LAMP1: variants seen among roughly 807,000 people sequenced by gnomAD.
LAMP1 encodes lysosome associated membrane protein 1, also known as lysosome-associated membrane glycoprotein 1.
Under a neutral mutation model 37.5 loss-of-function variants are expected in LAMP1, and 7 were observed. That is an observed-to-expected ratio of 0.19 (90% CI 0.11 to 0.35). LAMP1 has a LOEUF of 0.35. Ranked by LOEUF, LAMP1 falls within the 10% of genes least tolerant of loss-of-function variation. The pLI is 1.00. For missense variants in LAMP1, 537 were observed against 552.8 expected (o/e 0.97, Z 0.29); for synonymous variants, 236 against 229.1 (o/e 1.03, Z -0.27).
At chr13:113,319,782 C>T (rs2042687404) in intron 5 of LAMP1, 126 bp downstream of exon 5, 4 of 874,672 alleles carry the variant, frequency 4.6e-6, no homozygotes, top group South Asian at 1.7e-5. Flanking sequence ...GCTTAGCTTG[C>T]AGGACGTGAC....
intron 3 of LAMP1, 65 bp from the exon 4 acceptor site, chr13:113,310,643 TA>T (rs951842791): frequency 1.6e-6 from 2 of 1,241,852 alleles, no homozygotes; most frequent in Non-Finnish European, 2.2e-6. Flanking sequence ...AGGGCTAAAA[TA>T]AAAAACACAT....
chr13:113,304,352 C>G (rs1289883961), intron 1 of LAMP1, among the ~76,000 whole-genome samples: 2 of 152,216 alleles, frequency 1.3e-5, no homozygotes, highest in African/African-American at 2.4e-5. Context: ...AGTGTTAAGT[C>G]TCTGGCGTCT....
At position 113,322,521 on chromosome 13, in the gene LAMP1, C is replaced by T; in HGVS notation, c.*100C>T. On this transcript the variant is annotated 3_prime_UTR_variant, in exon 9 of 9. Transcript: ENST00000332556. ...GGCACACTTTCTGGCAAACGTTTCT[C>T]AAATCTGCTTCATCCAATGTGAAGT... The T allele has an allele frequency of 2.7e-6, 3 of 1,130,634 alleles. No homozygotes were observed. Among genetic ancestry groups the T allele is most frequent in the East Asian group, 2.5e-5 (1 of 39,944 alleles). The allele number at this position is 1,130,634 out of a possible 1,614,324, so 70.0% of individuals were successfully genotyped here. A position where few individuals can be genotyped will look rare whatever the true frequency, so the allele number is the denominator to read the frequency against.
chr13:113,313,406 A>G (rs1033508367), intron 4 of LAMP1, among the ~76,000 whole-genome samples: 4 of 152,234 alleles, frequency 2.6e-5, no homozygotes, highest in Non-Finnish European at 5.9e-5. Context: ...CTCTGTGTCC[A>G]GATCCTGGAC....
At position 113,320,662 on chromosome 13, in the gene LAMP1, G is replaced by T. The variant is rs2042693175; in HGVS notation, c.876+192G>T. On this transcript the variant is annotated intron_variant, in intron 6 of 8. Coordinates refer to ENST00000332556, the MANE Select transcript of LAMP1 (RefSeq NM_005561.4). The surrounding 1 kb of genome is among the most constrained non-coding windows in gnomAD (Gnocchi z 4.4). ...TTCCATTCCATTCATAGATGCAGCA[G>T]ATGATGTGGGCGGGGCTGCTGTGCC... is the stretch of plus-strand genomic sequence containing the variant. 2 of 613,212 alleles carry T rather than the reference G, an allele frequency of 3.3e-6. No individual in the cohort carries two copies. Among genetic ancestry groups the T allele is most frequent in the East Asian group, 2.9e-5 (1 of 34,674 alleles). 38.0% of individuals were successfully genotyped at this position (613,212 alleles called of 1,614,324 possible). A position where few individuals can be genotyped will look rare whatever the true frequency, so the allele number is the denominator to read the frequency against.
chr13:113,319,024 G>A (rs1039141548), intron 4 of LAMP1, among the ~76,000 whole-genome samples: 2 of 152,260 alleles, frequency 1.3e-5, no homozygotes, highest in African/African-American at 2.4e-5. Flanking sequence ...TCAGGGAGCA[G>A]TGTCTGAGTC....
chr13:113,303,522 C>CTT (rs398056906), intron 1 of LAMP1, among the ~76,000 whole-genome samples: 3 of 142,478 alleles, frequency 2.1e-5, no homozygotes, highest in East Asian at 2.0e-4. Flanking sequence ...GGTTTTTTGT[C>CTT]TTTTTTTTTT....
Position 113,297,804 on chromosome 13 carries a change from C to T in LAMP1, c.61+309C>T, listed in dbSNP as rs1355520431. ...GAAAGGGAACTTCCGATGGCTTGCT[C>T]GGCGGTCTGGTGCTTTCAGGTCGTT... On this transcript the variant is annotated intron_variant, in intron 1 of 8. Coordinates refer to ENST00000332556, the MANE Select transcript of LAMP1 (RefSeq NM_005561.4). The surrounding 1 kb of genome is among the most constrained non-coding windows in gnomAD (Gnocchi z 4.4). 2.0e-5 allele frequency among the ~76,000 whole-genome samples: 3 copies of T among 152,190 alleles called. No homozygotes were observed. The highest frequency in any genetic ancestry group is 4.4e-5 in the Non-Finnish European group (3 of 68,010).
chr13:113,317,563 G>T (rs553990611), intron 4 of LAMP1, among the ~76,000 whole-genome samples: 1 of 152,196 alleles, frequency 6.6e-6, no homozygotes, highest in African/African-American at 2.4e-5. Flanking sequence ...TCAAAGCAGC[G>T]TAGGTTACAC....
chr13:113,299,144 CA>C lies in LAMP1; in HGVS notation c.61+1659del, dbSNP rs540813039. Among the ~76,000 whole-genome samples, 73 of 144,988 alleles carry C rather than the reference CA, an allele frequency of 5.0e-4. No individual in the cohort carries two copies. In the South Asian group the frequency reaches 0.014, roughly 28 times the overall value. On this transcript the variant is annotated intron_variant, in intron 1 of 8. Coordinates refer to ENST00000332556, the MANE Select transcript of LAMP1 (RefSeq NM_005561.4). ...AACTGAGGGAGACTCCGTCTCAAAA[CA>C]AAAAAAAAATTAACTTTAAAAATGA...
At chr13:113,311,746 G>A (rs1381500631) in intron 4 of LAMP1, among the ~76,000 whole-genome samples, 1 of 152,240 alleles carries the variant, frequency 6.6e-6, no homozygotes, top group Non-Finnish European at 1.5e-5. Flanking sequence ...GAGATTAAAA[G>A]CCTGTCTTCA....
intron 1 of LAMP1, among the ~76,000 whole-genome samples, chr13:113,300,742 C>T (rs147286922): frequency 0.075 from 11,367 of 151,880 alleles, 1,347 homozygotes; most frequent in African/African-American, 0.26. Context: ...TGCTTGAACC[C>T]GGAAGGTGGA....
intron 4 of LAMP1, among the ~76,000 whole-genome samples, chr13:113,313,748 G>C (rs1450970986): frequency 2.5e-5 from 3 of 119,392 alleles, no homozygotes; most frequent in African/African-American, 3.7e-5. Context: ...CTCCTGGAGG[G>C]AGTCAGTGTG....
rs72665256 is a variant in LAMP1, at chr13:113,301,136, A to G, written c.61+3641A>G. Among the ~76,000 whole-genome samples, 1,406 of 152,256 alleles carry G rather than the reference A, an allele frequency of 9.2e-3. 8 individuals carry two copies. Among genetic ancestry groups the G allele is most frequent in the African/African-American group, 0.018 (752 of 41,558 alleles). ...GAGTACATATATGAAGAAAGGATCA[A>G]TTTTATAGCAGTGGCTCTCAACCAA... On this transcript the variant is annotated intron_variant, in intron 1 of 8. Transcript: ENST00000332556.
rs1405829871 is a variant in LAMP1, at chr13:113,297,441, GC to G, written c.12del (p.Gly5AlafsTer29). 2.3e-5 allele frequency: 24 copies of G among 1,059,354 alleles called. No homozygotes were observed. Among genetic ancestry groups the G allele is most frequent in the Middle Eastern group, 3.5e-4 (1 of 2,852 alleles). The allele number at this position is 1,059,354 out of a possible 1,614,324, so 65.6% of individuals were successfully genotyped here. A position where few individuals can be genotyped will look rare whatever the true frequency, so the allele number is the denominator to read the frequency against. On this transcript the variant is annotated frameshift_variant, in exon 1 of 9. Coordinates refer to ENST00000332556, the MANE Select transcript of LAMP1 (RefSeq NM_005561.4). LOFTEE classifies it high-confidence loss of function. This position sits in a 1 kb window ranked among gnomAD's most constrained non-coding sequence, Gnocchi z 4.4. Reference sequence around the variant, plus strand: ...TACCCGGCCGCCTCGCGCCATGGCGGCCCCCGGCAGCGCCCGGCGACCCCTG... The same window carrying G: ...TACCCGGCCGCCTCGCGCCATGGCGGCCCCGGCAGCGCCCGGCGACCCCTG... MA[A>X]PGSARRPLLL...
intron 1 of LAMP1, chr13:113,305,489 G>A (rs9549736): frequency 0.98 from 149,883 of 152,360 alleles, 73,758 homozygotes; most frequent in East Asian, 1. Flanking sequence ...TGTCTCTACC[G>A]TAGTGATCAG....
rs71101565 is a variant in LAMP1 at position 113,308,324 on chromosome 13, CTTTTTT to C, written c.184-1299_184-1294del. Among the ~76,000 whole-genome samples the C allele has an allele frequency of 8.3e-5, 5 of 60,436 alleles. No individual in the cohort carries two copies. The East Asian group carries it at 2.9e-3, about 36-fold the overall frequency. 39.6% of individuals were successfully genotyped at this position (60,436 alleles called of 152,430 possible). A position where few individuals can be genotyped will look rare whatever the true frequency, so the allele number is the denominator to read the frequency against. ...AGCTACCGTACCTGGCCTCCAAGCA[CTTTTTT>C]TTTTTTTTTTTTTTTTTTTGAGGCA... On this transcript the variant is annotated intron_variant, in intron 2 of 8. Coordinates refer to ENST00000332556, the MANE Select transcript of LAMP1 (RefSeq NM_005561.4).
Position 113,297,482 on chromosome 13 carries a change from G to A in LAMP1, c.48G>A (p.Leu16=). 1 of 1,254,398 alleles carries A rather than the reference G, an allele frequency of 8.0e-7. No homozygotes were observed. The highest frequency in any genetic ancestry group is 1.0e-6 in the Non-Finnish European group (1 of 1,001,768). 77.7% of individuals were successfully genotyped at this position (1,254,398 alleles called of 1,614,324 possible). A position where few individuals can be genotyped will look rare whatever the true frequency, so the allele number is the denominator to read the frequency against. ...GGCGACCCCTGCTGCTGCTACTGCT[G>A]TTGCTGCTGCTCGGTGAGGGGGTCG... ...SARRPLLLLL[L]LLLLGLMHCA... is the part of the protein sequence containing the mutation. The change falls in exon 1 of 9, where the codon CTG becomes CTA. Residue 16 remains leucine (L), a synonymous_variant. Coordinates refer to ENST00000332556, the MANE Select transcript of LAMP1 (RefSeq NM_005561.4). This position sits in a 1 kb window ranked among gnomAD's most constrained non-coding sequence, Gnocchi z 4.4.
intron 1 of LAMP1, among the ~76,000 whole-genome samples, chr13:113,298,059 T>C (rs2042552136): frequency 6.6e-6 from 1 of 152,216 alleles, no homozygotes. Context: ...TATGTTATTG[T>C]GAATTCACAT....
Sources: gnomAD v4.1 joint callset for allele counts (sites outside exome capture counted in the v4.1 genomes callset) on GRCh38, gnomAD v4.1.1 for gene constraint, Gnocchi (gnomAD v3.1) non-coding constraint, MANE v1.5 for transcripts, NCBI Gene and HGNC (gene_info 2026-07-23, HGNC 2026-07-21) for gene names.